Variants in KSR2 observed in about 807,000 individuals in gnomAD.
KSR2 encodes kinase suppressor of ras 2.
In KSR2, 25 loss-of-function variants were observed where a neutral mutation model predicts 107.8. The ratio of observed to expected loss-of-function variants is 0.23; its 90% CI spans 0.17 to 0.32. The LOEUF (loss-of-function observed/expected upper bound fraction) is 0.32, where lower values mean the gene tolerates loss of function less well. KSR2 is among the 10% of genes least tolerant of loss of function. KSR2 has a pLI of 1.00. For synonymous variants in KSR2, 480 were observed against 507.0 expected (o/e 0.95, Z 0.71); for missense variants, 887 against 1,268.9 (o/e 0.70, Z 4.57).
intron 3 of KSR2, among the ~76,000 whole-genome samples, chr12:117,844,731 C>T (rs1465998065): frequency 6.6e-6 from 1 of 152,156 alleles, no homozygotes; most frequent in East Asian, 1.9e-4. Context: ...CCTGCTAATC[C>T]CAGTATCTAC....
At chr12:117,894,805 C>T (rs550083094) in intron 1 of KSR2, among the ~76,000 whole-genome samples, 5 of 150,542 alleles carry the variant, frequency 3.3e-5, no homozygotes, top group Admixed American at 1.3e-4. Context: ...CTTTGCCTTC[C>T]GCCATGATTG....
chr12:117,670,818 C>T (rs568547249), intron 4 of KSR2, among the ~76,000 whole-genome samples: 30 of 152,320 alleles, frequency 2.0e-4, no homozygotes, highest in African/African-American at 6.5e-4. Flanking sequence ...CCCCACGGAA[C>T]GGCAAAGCTG....
Position 117,729,328 on chromosome 12 carries a change from C to A in KSR2, c.986+31683G>T, listed in dbSNP as rs374925703. ...ACCACATGAATTTACATTCAAGATTCTGCTTGCCATAGGGGTGACAAATAT... is the reference window on the plus strand; with the variant it reads ...ACCACATGAATTTACATTCAAGATTATGCTTGCCATAGGGGTGACAAATAT... On this transcript the variant is annotated intron_variant, in intron 4 of 19. Transcript: ENST00000339824. Among the ~76,000 whole-genome samples, 13 of 152,226 alleles carry A rather than the reference C, an allele frequency of 8.5e-5. No homozygotes were observed. The South Asian group carries it at 1.7e-3, about 19-fold the overall frequency.
At chr12:117,797,387 G>A (rs748162036) in intron 3 of KSR2, among the ~76,000 whole-genome samples, 2 of 152,196 alleles carry the variant, frequency 1.3e-5, no homozygotes, top group Non-Finnish European at 2.9e-5. Flanking sequence ...GATGCAAAGT[G>A]TCACATCTTA....
chr12:117,625,667 T>C (rs1317725033), intron 5 of KSR2, among the ~76,000 whole-genome samples: 2 of 152,194 alleles, frequency 1.3e-5, no homozygotes, highest in East Asian at 3.9e-4. Context: ...AAATTTTCTT[T>C]TTTTGTTGTG....
At chr12:117,919,277 C>T (rs1895275256) in intron 1 of KSR2, among the ~76,000 whole-genome samples, 2 of 152,310 alleles carry the variant, frequency 1.3e-5, no homozygotes, top group Non-Finnish European at 2.9e-5. Context: ...GCTGTGCAGA[C>T]CCTTAACAAT....
At chr12:117,500,392 G>A (rs187975494) in intron 14 of KSR2, among the ~76,000 whole-genome samples, 1 of 152,226 alleles carries the variant, frequency 6.6e-6, no homozygotes, top group East Asian at 1.9e-4. Context: ...CTCACCACGA[G>A]GACTCTGCTG....
intron 3 of KSR2, among the ~76,000 whole-genome samples, chr12:117,816,120 T>C (rs187695232): frequency 6.0e-4 from 90 of 151,212 alleles, no homozygotes; most frequent in African/African-American, 2.1e-3. Context: ...TGGGCAGGAG[T>C]TTGTGACTCC....
chr12:117,929,257 T>A, intron 1 of KSR2, among the ~76,000 whole-genome samples: 1 of 152,354 alleles, frequency 6.6e-6, no homozygotes, highest in East Asian at 1.9e-4. Context: ...CCAAATTTCA[T>A]CTTGAATTCC....
intron 3 of KSR2, among the ~76,000 whole-genome samples, chr12:117,841,409 C>A (rs893284810): frequency 6.6e-6 from 1 of 152,114 alleles, no homozygotes; most frequent in African/African-American, 2.4e-5. Flanking sequence ...TGGGAATGTT[C>A]CCATCTGTGA....
intron 4 of KSR2, among the ~76,000 whole-genome samples, chr12:117,704,136 A>T (rs1886430843): frequency 6.6e-6 from 1 of 152,038 alleles, no homozygotes; most frequent in Admixed American, 6.5e-5. Flanking sequence ...GATGGAACAA[A>T]TGCATATTCA....
chr12:117,921,369 CTGTCTTTGAAGCCACA>C (rs1831167741), intron 1 of KSR2, among the ~76,000 whole-genome samples: 1 of 152,156 alleles, frequency 6.6e-6, no homozygotes, highest in African/African-American at 2.4e-5. Flanking sequence ...TTGAATAAAG[CTGTCTTTGAAGCCACA>C]CACAGTGAGA....
chr12:117,919,844 T>C (rs1176751601), intron 1 of KSR2, among the ~76,000 whole-genome samples: 1 of 152,256 alleles, frequency 6.6e-6, no homozygotes, highest in Non-Finnish European at 1.5e-5. Flanking sequence ...AGACCTGGAA[T>C]GAACACGTGG....
At chr12:117,721,146 A>G (rs7980128) in intron 4 of KSR2, among the ~76,000 whole-genome samples, 59,837 of 152,084 alleles carry the variant, frequency 0.39, 11,978 homozygotes, top group Middle Eastern at 0.5. Flanking sequence ...TTATGCACCA[A>G]GATGCCCTCA....
At chr12:117,545,719 T>G (rs1876813300) in intron 9 of KSR2, among the ~76,000 whole-genome samples, 1 of 152,178 alleles carries the variant, frequency 6.6e-6, no homozygotes, top group South Asian at 2.1e-4. Flanking sequence ...TCTGTTTTAT[T>G]TTTCCTGCCT....
chr12:117,703,468 T>A (rs1332764229), intron 4 of KSR2, among the ~76,000 whole-genome samples: 1 of 152,106 alleles, frequency 6.6e-6, no homozygotes, highest in Non-Finnish European at 1.5e-5. Flanking sequence ...GATGTTGGGA[T>A]CCACTAATAA....
chr12:117,757,253 G>A (rs1431540674), intron 4 of KSR2, among the ~76,000 whole-genome samples: 1 of 152,162 alleles, frequency 6.6e-6, no homozygotes, highest in East Asian at 1.9e-4. Context: ...GAAACAGCAA[G>A]AGAACTAGAA....
At chr12:117,607,952 G>T (rs2136309223) in intron 5 of KSR2, among the ~76,000 whole-genome samples, 1 of 152,284 alleles carries the variant, frequency 6.6e-6, no homozygotes, top group Non-Finnish European at 1.5e-5. Context: ...GTACCTGCCG[G>T]TCCTCAGCAC....
chr12:117,794,520 CCAA>C (rs1341532074), intron 3 of KSR2, among the ~76,000 whole-genome samples: 9 of 132,670 alleles, frequency 6.8e-5, no homozygotes, highest in Non-Finnish European at 9.1e-5. Flanking sequence ...TGCACACACA[CCAA>C]CATGCACACA....
Sources: allele counts gnomAD v4.1 joint callset (sites outside exome capture counted in the v4.1 genomes callset), GRCh38; gene constraint gnomAD v4.1.1; transcripts MANE v1.5; gene names NCBI Gene and HGNC (gene_info 2026-07-23, HGNC 2026-07-21).